Variants in CCBE1 observed in about 807,000 individuals in gnomAD.
CCBE1 encodes the protein collagen and calcium-binding EGF domain-containing protein 1.
CCBE1 carries 37 observed loss-of-function variants against 50.0 expected under a neutral mutation model. That is an observed-to-expected ratio of 0.74 (90% confidence interval 0.57 to 0.97). The LOEUF (loss-of-function observed/expected upper bound fraction) is 0.97. CCBE1 is among the 50% of genes least tolerant of loss of function. CCBE1 has a pLI of 0.00. For missense variants in CCBE1, 538 were observed against 523.8 expected (o/e 1.03, Z -0.26); for synonymous variants, 234 against 203.7 (o/e 1.15, Z -1.27).
intron 3 of CCBE1, among the ~76,000 whole-genome samples, chr18:59,477,671 A>T (rs1471437855): frequency 6.6e-6 from 1 of 152,156 alleles, no homozygotes; most frequent in East Asian, 1.9e-4. Context: ...TTAACTTTAC[A>T]TCACAGTATT....
chr18:59,496,070 A>G (rs1404596776), intron 2 of CCBE1, among the ~76,000 whole-genome samples: 2 of 152,194 alleles, frequency 1.3e-5, no homozygotes, highest in African/African-American at 4.8e-5. Context: ...TTTGTCACTT[A>G]TCATAATTTT....
At chr18:59,478,483 C>A (rs752650192) in intron 3 of CCBE1, among the ~76,000 whole-genome samples, 1 of 152,152 alleles carries the variant, frequency 6.6e-6, no homozygotes, top group African/African-American at 2.4e-5. Flanking sequence ...TAGCAAAAAG[C>A]AACAGAGCAG....
chr18:59,467,550 G>C (rs1289811617), intron 4 of CCBE1, among the ~76,000 whole-genome samples: 1 of 152,188 alleles, frequency 6.6e-6, no homozygotes, highest in African/African-American at 2.4e-5. Flanking sequence ...TGAGCCATGG[G>C]ACCATCAAAC....
rs141571847 is a variant in CCBE1, at chr18:59,447,029, A to G, written c.775+954T>C. ...ACCTCCATAAGTACTAAAAATATAA[A>G]ATAACTTGGAACTATTTTTTTTTAA... is the stretch of plus-strand genomic sequence containing the variant. On this transcript the variant is annotated intron_variant, in intron 7 of 10. Coordinates refer to ENST00000439986, the MANE Select transcript of CCBE1 (RefSeq NM_133459.4). Among the ~76,000 whole-genome samples the G allele has an allele frequency of 3.2e-4, 48 of 152,308 alleles. 1 individual carries two copies. Among genetic ancestry groups the G allele is most frequent in the African/African-American group, 1.1e-3 (47 of 41,564 alleles).
At chr18:59,647,336 A>T (rs2054068135) in intron 2 of CCBE1, among the ~76,000 whole-genome samples, 1 of 152,242 alleles carries the variant, frequency 6.6e-6, no homozygotes. Flanking sequence ...ATGTGAAAAA[A>T]ATATGTACCC....
intron 2 of CCBE1, among the ~76,000 whole-genome samples, chr18:59,492,134 G>C (rs1412781891): frequency 9.5e-6 from 1 of 105,194 alleles, no homozygotes; most frequent in Non-Finnish European, 1.8e-5. Context: ...AACAGAGTGA[G>C]ACTTTGTCTC....
chr18:59,623,930 T>C (rs2053744697), intron 2 of CCBE1, among the ~76,000 whole-genome samples: 1 of 152,152 alleles, frequency 6.6e-6, no homozygotes, highest in Admixed American at 6.5e-5. Flanking sequence ...TCAAAATGAA[T>C]TGTGTGGTTT....
chr18:59,652,775 T>C (rs926098971), intron 2 of CCBE1, among the ~76,000 whole-genome samples: 1 of 152,122 alleles, frequency 6.6e-6, no homozygotes, highest in Non-Finnish European at 1.5e-5. Context: ...CCATCCTGGC[T>C]AACACGGTGA....
intron 2 of CCBE1, among the ~76,000 whole-genome samples, chr18:59,552,393 T>C (rs1195237004): frequency 6.6e-6 from 1 of 152,188 alleles, no homozygotes; most frequent in Non-Finnish European, 1.5e-5. Context: ...TTCATGAACT[T>C]ATATGGGGCA....
At chr18:59,474,972 C>T (rs7240902) in intron 3 of CCBE1, among the ~76,000 whole-genome samples, 13,755 of 152,100 alleles carry the variant, frequency 0.09, 1,110 homozygotes, top group East Asian at 0.33. Flanking sequence ...CCATTTTGTC[C>T]TCGTGGGTTT....
intron 9 of CCBE1, among the ~76,000 whole-genome samples, chr18:59,438,588 G>A (rs1184570063): frequency 6.6e-6 from 1 of 152,180 alleles, no homozygotes; most frequent in Non-Finnish European, 1.5e-5. Context: ...AGCAACACTG[G>A]TTAAAGAGAA....
chr18:59,491,764 G>A (rs56038925), intron 2 of CCBE1, among the ~76,000 whole-genome samples: 2 of 151,452 alleles, frequency 1.3e-5, no homozygotes, highest in African/African-American at 4.9e-5. Context: ...CAGTTGAGCC[G>A]AGATTGCACC....
intron 2 of CCBE1, among the ~76,000 whole-genome samples, chr18:59,685,597 T>A (rs1256788568): frequency 6.6e-6 from 1 of 152,220 alleles, no homozygotes; most frequent in African/African-American, 2.4e-5. Context: ...TGAGGAGCTT[T>A]AGAAATTCCT....
intron 2 of CCBE1, among the ~76,000 whole-genome samples, chr18:59,540,069 A>G (rs901004163): frequency 6.6e-6 from 1 of 152,222 alleles, no homozygotes; most frequent in Non-Finnish European, 1.5e-5. Flanking sequence ...TTTGAGTTCC[A>G]AAATAAACCT....
At chr18:59,688,112 A>T (rs934579413) in intron 2 of CCBE1, 1 of 152,186 alleles carries the variant, frequency 6.6e-6, no homozygotes, top group African/African-American at 2.4e-5. Flanking sequence ...CTCGATGGGT[A>T]TTCCTCCAAA....
chr18:59,490,886 C>T (rs939151010), intron 2 of CCBE1, among the ~76,000 whole-genome samples: 1 of 152,038 alleles, frequency 6.6e-6, no homozygotes, highest in African/African-American at 2.4e-5. Flanking sequence ...ATGTTTAAAC[C>T]AACAAATCTC....
intron 2 of CCBE1, among the ~76,000 whole-genome samples, chr18:59,604,456 G>C (rs2053470588): frequency 6.6e-6 from 1 of 152,096 alleles, no homozygotes; most frequent in Non-Finnish European, 1.5e-5. Context: ...AGCAGATGAG[G>C]GTCTCAAACT....
chr18:59,458,530 T>C (rs756507929), intron 5 of CCBE1, among the ~76,000 whole-genome samples: 2 of 152,254 alleles, frequency 1.3e-5, no homozygotes, highest in Non-Finnish European at 2.9e-5. Flanking sequence ...TTCTCGACTA[T>C]TTCATTTAGA....
Position 59,463,757 on chromosome 18 carries a change from C to T in CCBE1, c.553+2982G>A, listed in dbSNP as rs12970158. On this transcript the variant is annotated intron_variant, in intron 5 of 10. Coordinates refer to ENST00000439986, the MANE Select transcript of CCBE1 (RefSeq NM_133459.4). The stretch of plus-strand genomic sequence containing the variant: ...GTATTGCGTTTGTTGCTGGGGTTCC[C>T]GGTGATTATGCTCAAGCATAAGCCT... Among the ~76,000 whole-genome samples the T allele has an allele frequency of 0.019, 2,956 of 152,230 alleles. 132 individuals are homozygous for T. The East Asian group carries it at 0.21, about 11-fold the overall frequency.
Sources: allele counts gnomAD v4.1 joint callset (sites outside exome capture counted in the v4.1 genomes callset), GRCh38; gene constraint gnomAD v4.1.1; transcripts MANE v1.5; gene names NCBI Gene and HGNC (gene_info 2026-07-23, HGNC 2026-07-21).